Variants in SBF2 observed in about 807,000 individuals in gnomAD.
SBF2 encodes myotubularin-related protein 13.
Under a neutral mutation model 225.2 loss-of-function variants are expected in SBF2, and 112 were observed. The observed-to-expected ratio is 0.50, with a 90% CI of 0.43 to 0.58. The LOEUF (loss-of-function observed/expected upper bound fraction) is 0.58. SBF2 is among the 20% of genes least tolerant of loss of function. The pLI is 0.00. For synonymous variants in SBF2, 763 were observed against 773.3 expected (o/e 0.99, Z 0.22); for missense variants, 1,996 against 2,206.2 (o/e 0.90, Z 1.91).
chr11:10,145,186 T>C (rs185044221), intron 2 of SBF2, among the ~76,000 whole-genome samples: 1 of 152,324 alleles, frequency 6.6e-6, no homozygotes, highest in East Asian at 1.9e-4. Flanking sequence ...ATCTTAAGTC[T>C]TGTCCACTCA....
chr11:9,865,563 GCCTGTAATC>G (rs59956715), intron 17 of SBF2, among the ~76,000 whole-genome samples: 37,931 of 151,300 alleles, frequency 0.25, 5,011 homozygotes, highest in Admixed American at 0.29. Context: ...GGTGGCACAT[GCCTGTAATC>G]CCCAGCTACT....
At chr11:9,857,383 G>T (rs977216145) in intron 18 of SBF2, among the ~76,000 whole-genome samples, 10 of 152,130 alleles carry the variant, frequency 6.6e-5, no homozygotes, top group Admixed American at 6.5e-4. Flanking sequence ...GAATGCTTTC[G>T]AGATGTGTCA....
At chr11:10,129,777 G>T (rs540755769) in intron 2 of SBF2, among the ~76,000 whole-genome samples, 4 of 152,128 alleles carry the variant, frequency 2.6e-5, no homozygotes, top group African/African-American at 9.7e-5. Flanking sequence ...GCCAAAACAG[G>T]AGGGTTGCTT....
At chr11:9,819,668 G>A (rs955505789) in intron 28 of SBF2, among the ~76,000 whole-genome samples, 2 of 152,168 alleles carry the variant, frequency 1.3e-5, no homozygotes, top group African/African-American at 4.8e-5. Flanking sequence ...TTTGGGGTGT[G>A]TATGGGTGAA....
chr11:10,032,754 G>A (rs990875357), intron 3 of SBF2, among the ~76,000 whole-genome samples: 1 of 152,144 alleles, frequency 6.6e-6, no homozygotes, highest in African/African-American at 2.4e-5. Flanking sequence ...TTTCTGTTTT[G>A]TTCAACGGTG....
chr11:10,294,115 C>T lies in SBF2; in HGVS notation c.-46G>A. 7.8e-7 allele frequency: 1 copy of T among 1,280,206 alleles called. No homozygotes were observed. The highest frequency in any genetic ancestry group is 9.9e-7 in the Non-Finnish European group (1 of 1,005,896). 79.3% of individuals were successfully genotyped at this position (1,280,206 alleles called of 1,614,324 possible). ...GGAAGCGGGTCCCCGTCGCCGCCCT[C>T]GCCGCCGCCGCCCACCCGGCCCGGG... On this transcript the variant is annotated 5_prime_UTR_variant, in exon 1 of 40. Transcript: ENST00000256190.
intron 13 of SBF2, 74 bp from the exon 14 acceptor site, chr11:9,968,619 G>T: frequency 8.3e-7 from 1 of 1,204,568 alleles, no homozygotes; most frequent in Non-Finnish European, 1.2e-6. Flanking sequence ...GGGAGTGGGA[G>T]CTTACAGGGA....
Position 9,895,958 on chromosome 11 carries a change from G to A in SBF2, c.1914C>T (p.Thr638=). ...YNIAAALLPL[T]SAFYRKLAPG... Reference sequence around the variant, plus strand: ...TGAAACTTACCCTATAGAAAGCACTGGTCAAAGGGAGTAATGCTGCGGCAA... The same window carrying A: ...TGAAACTTACCCTATAGAAAGCACTAGTCAAAGGGAGTAATGCTGCGGCAA... Residue 638 remains threonine (T), a synonymous_variant, in exon 17 of 40, where the codon ACC becomes ACT. Transcript: ENST00000256190. The A allele has an allele frequency of 1.2e-6, 2 of 1,611,986 alleles. No individual in the cohort carries two copies. Among genetic ancestry groups the A allele is most frequent in the Non-Finnish European group, 1.7e-6 (2 of 1,178,272 alleles).
intron 33 of SBF2, among the ~76,000 whole-genome samples, chr11:9,794,699 A>AAAAAAAAC (rs1852996089): frequency 6.8e-6 from 1 of 147,162 alleles, no homozygotes; most frequent in Non-Finnish European, 1.5e-5. Flanking sequence ...AAAAAAAAAA[A>AAAAAAAAC]AAAAAAAAGA....
chr11:9,961,926 A>T (rs1008575715), intron 16 of SBF2, 31 bp downstream of exon 16: 1 of 1,596,688 alleles, frequency 6.3e-7, no homozygotes, highest in South Asian at 1.1e-5. Context: ...TTCTCAAATA[A>T]GAGGAATAAT....
intron 2 of SBF2, among the ~76,000 whole-genome samples, chr11:10,102,732 G>C (rs1166950031): frequency 6.6e-6 from 1 of 152,106 alleles, no homozygotes; most frequent in Non-Finnish European, 1.5e-5. Context: ...TAAAATAAAA[G>C]CACACTGATA....
intron 26 of SBF2, among the ~76,000 whole-genome samples, 189 bp from the exon 27 acceptor site, chr11:9,832,609 T>C (rs1236766893): frequency 6.6e-6 from 1 of 152,260 alleles, no homozygotes; most frequent in Non-Finnish European, 1.5e-5. Flanking sequence ...TTTTTAATTT[T>C]ATTTTTATTT....
At chr11:9,875,111 C>T (rs1859111165) in intron 17 of SBF2, among the ~76,000 whole-genome samples, 1 of 152,152 alleles carries the variant, frequency 6.6e-6, no homozygotes, top group Admixed American at 6.5e-5. Flanking sequence ...GTGGCCATTT[C>T]CCAGGAAGAA....
At chr11:9,979,388 TTTATTA>T (rs1946842735) in intron 13 of SBF2, among the ~76,000 whole-genome samples, 1 of 152,168 alleles carries the variant, frequency 6.6e-6, no homozygotes, top group Non-Finnish European at 1.5e-5. Context: ...GAACTCAATA[TTTATTA>T]TTATTATAAT....
intron 13 of SBF2, among the ~76,000 whole-genome samples, chr11:9,974,971 A>AAAAAAAAAAAAAAAGAAACC (rs1946615795): frequency 1.1e-5 from 1 of 95,204 alleles, no homozygotes; most frequent in Non-Finnish European, 2.3e-5. Context: ...AAAAAAAAAA[A>AAAAAAAAAAAAAAAGAAACC]AAAAAAAAAA....
chr11:10,298,776 T>C (rs1391757776), upstream of SBF2, among the ~76,000 whole-genome samples: 3 of 152,208 alleles, frequency 2.0e-5, no homozygotes, highest in Non-Finnish European at 2.9e-5. Context: ...AGTCCTATTG[T>C]TCCTACTTCC....
chr11:9,944,461 TG>T lies in SBF2; in HGVS notation c.1860+17495del, dbSNP rs539810871. Among the ~76,000 whole-genome samples, 22 of 152,318 alleles carry T rather than the reference TG, an allele frequency of 1.4e-4. No homozygotes were observed. The East Asian group carries it at 3.9e-3, about 27-fold the overall frequency. On this transcript the variant is annotated intron_variant, in intron 16 of 39. Transcript: ENST00000256190. ...CCAAGTTGAGATGCAGAATGGGTAG[TG>T]ATTAGCAAGGTTTACACACTCGTGT...
At chr11:9,989,777 G>T (rs1340326864) in intron 12 of SBF2, among the ~76,000 whole-genome samples, 182 bp from the exon 13 acceptor site, 2 of 152,166 alleles carry the variant, frequency 1.3e-5, no homozygotes, top group Non-Finnish European at 2.9e-5. Context: ...TCAAACCCTT[G>T]AATTGTCTAG....
intron 17 of SBF2, among the ~76,000 whole-genome samples, chr11:9,872,003 T>C (rs1054091784): frequency 2.0e-5 from 3 of 152,152 alleles, no homozygotes; most frequent in Non-Finnish European, 2.9e-5. Flanking sequence ...CAGTATATTA[T>C]AAAGATACAT....
Sources: gnomAD v4.1 joint callset for allele counts (sites outside exome capture counted in the v4.1 genomes callset) on GRCh38, gnomAD v4.1.1 for gene constraint, MANE v1.5 for transcripts, NCBI Gene and HGNC (gene_info 2026-07-23, HGNC 2026-07-21) for gene names.